SPATA17: variants seen among roughly 807,000 people sequenced by gnomAD.
SPATA17 encodes spermatogenesis-associated protein 17.
A neutral mutation model predicts 62.2 loss-of-function variants in SPATA17; 53 were observed. That is an observed-to-expected ratio of 0.85 (90% confidence interval 0.68 to 1.07). The LOEUF (loss-of-function observed/expected upper bound fraction) is 1.07. Ranked by LOEUF, SPATA17 falls within the 50% of genes least tolerant of loss-of-function variation. The pLI, the probability that SPATA17 is intolerant of heterozygous loss-of-function variation, is 0.00. For missense variants in SPATA17, 466 were observed against 425.5 expected (o/e 1.10, Z -0.84); for synonymous variants, 146 against 146.8 (o/e 0.99, Z 0.04).
At chr1:217,663,309 G>C (rs1670611299) in intron 3 of SPATA17, among the ~76,000 whole-genome samples, 1 of 151,996 alleles carries the variant, frequency 6.6e-6, no homozygotes, top group African/African-American at 2.4e-5. Context: ...GCCAGGCATA[G>C]TGGCTCGCGC....
chr1:217,745,855 T>C (rs1362065399), intron 6 of SPATA17, among the ~76,000 whole-genome samples: 1 of 152,082 alleles, frequency 6.6e-6, no homozygotes, highest in Non-Finnish European at 1.5e-5. Context: ...CAACCATTTA[T>C]ACTTACGATT....
chr1:217,866,060 A>G (rs1019551712), intron 10 of SPATA17, among the ~76,000 whole-genome samples: 1 of 152,186 alleles, frequency 6.6e-6, no homozygotes, highest in Non-Finnish European at 1.5e-5. Context: ...TCTTTTTTCC[A>G]GAGGGAATAA....
At chr1:217,836,419 T>C (rs931620497) in intron 9 of SPATA17, among the ~76,000 whole-genome samples, 5 of 152,168 alleles carry the variant, frequency 3.3e-5, no homozygotes, top group Admixed American at 3.3e-4. Flanking sequence ...TCTGTCATGA[T>C]GCCAGTAGAA....
intron 1 of SPATA17, among the ~76,000 whole-genome samples, chr1:217,638,537 C>T (rs544550939): frequency 6.6e-6 from 1 of 152,272 alleles, no homozygotes; most frequent in East Asian, 1.9e-4. Flanking sequence ...CTTTTACTGT[C>T]TTATCAGTTT....
At chr1:217,772,882 A>G (rs890497425) in intron 6 of SPATA17, among the ~76,000 whole-genome samples, 2 of 152,192 alleles carry the variant, frequency 1.3e-5, no homozygotes, top group East Asian at 3.9e-4. Flanking sequence ...TCCCCATAGT[A>G]AGGAAGCATT....
chr1:217,811,879 A>G (rs1355153297), intron 9 of SPATA17, among the ~76,000 whole-genome samples: 2 of 152,126 alleles, frequency 1.3e-5, no homozygotes, highest in Non-Finnish European at 2.9e-5. Flanking sequence ...TTTTTTCTAT[A>G]CTTTTATAAA....
Position 217,862,816 on chromosome 1 carries a change from T to C in SPATA17, c.1048T>C (p.Tyr350His). The C allele has an allele frequency of 6.2e-7, 1 of 1,610,524 alleles. No individual in the cohort carries two copies. The highest frequency in any genetic ancestry group is 8.5e-7 in the Non-Finnish European group (1 of 1,178,030). ...ACCATCATTTGAGCTCTTCTCAAAGTATGGAAAATTATATTCAAAAGCTGG... is the reference window on the plus strand; with the variant it reads ...ACCATCATTTGAGCTCTTCTCAAAGCATGGAAAATTATATTCAAAAGCTGG... ...VLPSFELFSKYGKLYSKAGQI... is the reference protein window; with the variant it reads ...VLPSFELFSKHGKLYSKAGQI... The change falls in exon 10 of 11, where the codon TAT becomes CAT. Residue 350 changes from tyrosine to histidine, a missense_variant. Tyr to His is a moderately conservative substitution (Grantham distance 83). Transcript: ENST00000366933.
At chr1:217,814,155 A>G (rs1001262631) in intron 9 of SPATA17, among the ~76,000 whole-genome samples, 1 of 152,218 alleles carries the variant, frequency 6.6e-6, no homozygotes, top group Admixed American at 6.5e-5. Context: ...TATAATCATT[A>G]ACCTAAGGGC....
intron 5 of SPATA17, among the ~76,000 whole-genome samples, chr1:217,736,180 A>G (rs1672506056): frequency 6.6e-6 from 1 of 152,196 alleles, no homozygotes; most frequent in Non-Finnish European, 1.5e-5. Context: ...CATGATAGGA[A>G]GTAATCATTA....
Position 217,867,327 on chromosome 1 carries a change from G to A in SPATA17, c.*308G>A, listed in dbSNP as rs989289140. 6.6e-6 allele frequency: 1 copy of A among 152,012 alleles called. No individual in the cohort carries two copies. The highest frequency in any genetic ancestry group is 2.4e-5 in the African/African-American group (1 of 41,380). 9.4% of individuals were successfully genotyped at this position (152,012 alleles called of 1,614,324 possible). ...TACCCATATTCTGACCCCATCACCC[G>A]GGTCACAAATGATGACACCAGTGCT... On this transcript the variant is annotated 3_prime_UTR_variant, in exon 11 of 11. Coordinates refer to ENST00000366933, the MANE Select transcript of SPATA17 (RefSeq NM_138796.4).
intron 5 of SPATA17, among the ~76,000 whole-genome samples, chr1:217,733,435 T>C (rs1273127121): frequency 6.6e-6 from 1 of 152,172 alleles, no homozygotes; most frequent in Non-Finnish European, 1.5e-5. Context: ...AGTTCCCAAC[T>C]CCAATACCAT....
intron 7 of SPATA17, among the ~76,000 whole-genome samples, chr1:217,779,498 G>A (rs1488030286): frequency 6.7e-6 from 1 of 150,112 alleles, no homozygotes; most frequent in Non-Finnish European, 1.5e-5. Flanking sequence ...CATCCCCACT[G>A]CCCTATTCTT....
intron 9 of SPATA17, 27 bp from the exon 10 acceptor site, chr1:217,862,746 TG>T: frequency 6.9e-7 from 1 of 1,451,676 alleles, no homozygotes; most frequent in Non-Finnish European, 9.6e-7. Context: ...AAGATCTCTG[TG>T]GTAATCTTTG....
At chr1:217,760,838 T>C (rs975741790) in intron 6 of SPATA17, among the ~76,000 whole-genome samples, 3 of 152,202 alleles carry the variant, frequency 2.0e-5, no homozygotes, top group African/African-American at 7.2e-5. Context: ...AAATCACCTG[T>C]AGAAGAATCC....
chr1:217,654,942 C>A (rs1231244434), intron 3 of SPATA17, among the ~76,000 whole-genome samples: 1 of 152,110 alleles, frequency 6.6e-6, no homozygotes. Context: ...AATCTCCTGA[C>A]CTTGTGATAT....
chr1:217,809,531 G>A (rs944277629), intron 9 of SPATA17, among the ~76,000 whole-genome samples: 3 of 152,062 alleles, frequency 2.0e-5, no homozygotes, highest in African/African-American at 7.2e-5. Flanking sequence ...GAAGGTCAAA[G>A]GGGAAGCAGG....
intron 6 of SPATA17, among the ~76,000 whole-genome samples, chr1:217,749,542 A>G (rs1451871637): frequency 1.3e-5 from 2 of 152,032 alleles, no homozygotes; most frequent in Non-Finnish European, 2.9e-5. Flanking sequence ...AGGGTTTTGA[A>G]GTAGTTGACT....
chr1:217,714,750 G>T (rs554716020), intron 5 of SPATA17, among the ~76,000 whole-genome samples: 53 of 151,996 alleles, frequency 3.5e-4, no homozygotes, highest in Non-Finnish European at 7.1e-4. Flanking sequence ...CTCCCAAAGT[G>T]CTGGGATTAC....
At chr1:217,632,852 C>T (rs1571692508) in intron 1 of SPATA17, among the ~76,000 whole-genome samples, 2 of 152,242 alleles carry the variant, frequency 1.3e-5, no homozygotes, top group Admixed American at 1.3e-4. Context: ...GAAATAAGCC[C>T]CATCCATCAT....
Sources: gnomAD v4.1 joint callset for allele counts (sites outside exome capture counted in the v4.1 genomes callset) on GRCh38, gnomAD v4.1.1 for gene constraint, MANE v1.5 for transcripts, NCBI Gene and HGNC (gene_info 2026-07-23, HGNC 2026-07-21) for gene names.